Variants in SNX8 observed in about 807,000 individuals in gnomAD.
The protein encoded by SNX8 is sorting nexin 8, also known as sorting nexin-8.
In SNX8, 25 loss-of-function variants were observed where a neutral mutation model predicts 51.6. That is an observed-to-expected ratio of 0.48 (90% CI 0.35 to 0.68). The LOEUF is 0.68. Among genes scored for constraint, SNX8 ranks in the 30% least tolerant of loss-of-function variants. The pLI is 0.00. For missense variants in SNX8, 695 were observed against 624.0 expected (o/e 1.11, Z -1.21); for synonymous variants, 324 against 277.0 (o/e 1.17, Z -1.68).
rs188628302 is a variant in SNX8 at position 2,264,500 on chromosome 7, G to C, written c.622-42C>G. Reference sequence around the variant, plus strand: ...GGGAGAGACACTGTGTTAGTCGCTGGGGAGCACCTGTCAGACGGCAGCAGC... The same window carrying C: ...GGGAGAGACACTGTGTTAGTCGCTGCGGAGCACCTGTCAGACGGCAGCAGC... On this transcript the variant is annotated intron_variant, in intron 5 of 10. Coordinates refer to ENST00000222990, the MANE Select transcript of SNX8 (RefSeq NM_013321.4). The C allele has an allele frequency of 1.1e-5, 17 of 1,577,910 alleles. No homozygotes were observed. In the East Asian group the frequency reaches 3.9e-4, roughly 36 times the overall value.
At position 2,253,874 on chromosome 7, in the gene SNX8, G is replaced by A. The variant is rs6945323; in HGVS notation, c.*1182C>T. 54,247 of 152,236 alleles carry A rather than the reference G, an allele frequency of 0.36. 10,070 individuals carry two copies. Among genetic ancestry groups the A allele is most frequent in the Middle Eastern group, 0.41 (122 of 294 alleles). 9.4% of individuals were successfully genotyped at this position (152,236 alleles called of 1,614,324 possible). On this transcript the variant is annotated 3_prime_UTR_variant, in exon 11 of 11. Transcript: ENST00000222990. Reference sequence around the variant, plus strand: ...AGCATCTGCGGAGCGGAGGGACCTCGGAAACCCTGGAGCCCGGCGGGCCTC... The same window carrying A: ...AGCATCTGCGGAGCGGAGGGACCTCAGAAACCCTGGAGCCCGGCGGGCCTC...
chr7:2,257,756 C>T lies in SNX8; in HGVS notation c.963G>A (p.Leu321=). 1 of 1,614,070 alleles carries T rather than the reference C, an allele frequency of 6.2e-7. No homozygotes were observed. The highest frequency in any genetic ancestry group is 8.5e-7 in the Non-Finnish European group (1 of 1,180,006). The change falls in exon 8 of 11, where the codon TTG becomes TTA. Residue 321 remains leucine, a synonymous_variant. Coordinates refer to ENST00000222990, the MANE Select transcript of SNX8 (RefSeq NM_013321.4). ...TCACCTTATAGGACTGCAGCAGATC[C>T]AAGAAGAGGTTCAGCTTCTCCACCA... ...NDVVEKLNLF[L]DLLQSYKDLC...
rs1191564086 is a variant in SNX8 at position 2,268,405 on chromosome 7, T to C, written c.621+1154A>G. Reference sequence around the variant, plus strand: ...CCCGGCAGCCACCCCATCTGGGAAGTGAGGAGCGTCTCCGCCCGGCAGCCA... The same window carrying C: ...CCCGGCAGCCACCCCATCTGGGAAGCGAGGAGCGTCTCCGCCCGGCAGCCA... On this transcript the variant is annotated intron_variant, in intron 5 of 10. Transcript: ENST00000222990. 3.1e-5 allele frequency among the ~76,000 whole-genome samples: 4 copies of C among 130,844 alleles called. No individual in the cohort carries two copies. The East Asian group carries it at 9.8e-4, about 32-fold the overall frequency. 85.8% of individuals were successfully genotyped at this position (130,844 alleles called of 152,430 possible).
chr7:2,283,716 G>A (rs1426086973), intron 1 of SNX8, among the ~76,000 whole-genome samples: 1 of 152,212 alleles, frequency 6.6e-6, no homozygotes, highest in Non-Finnish European at 1.5e-5. Context: ...AGAATCACCT[G>A]GTGGGCTCCT....
At chr7:2,347,332 T>C (rs1388037773) in intron 1 of SNX8, among the ~76,000 whole-genome samples, 1 of 151,300 alleles carries the variant, frequency 6.6e-6, no homozygotes, top group Non-Finnish European at 1.5e-5. Flanking sequence ...AATACAAAAA[T>C]TAGTCAGGCT....
intron 1 of SNX8, among the ~76,000 whole-genome samples, chr7:2,313,063 A>T (rs1011398839): frequency 1.3e-5 from 2 of 151,502 alleles, no homozygotes; most frequent in Non-Finnish European, 2.9e-5. Context: ...GCGCCTGGCT[A>T]ATTTTTTTTG....
At chr7:2,264,607 G>A in intron 5 of SNX8, 149 bp from the exon 6 acceptor site, 2 of 637,900 alleles carry the variant, frequency 3.1e-6, no homozygotes, top group East Asian at 2.8e-5. Flanking sequence ...GGCCTGCAGG[G>A]ATCACTCTGT....
At chr7:2,303,015 G>A (rs1796440488) in intron 1 of SNX8, among the ~76,000 whole-genome samples, 2 of 151,782 alleles carry the variant, frequency 1.3e-5, no homozygotes, top group South Asian at 2.1e-4. Context: ...AGAGGTGGGG[G>A]TCAGCCCCCG....
At chr7:2,308,816 T>C (rs1796604168) in intron 1 of SNX8, among the ~76,000 whole-genome samples, 1 of 148,202 alleles carries the variant, frequency 6.7e-6, no homozygotes, top group Admixed American at 6.8e-5. Flanking sequence ...TGGAGTCTTG[T>C]TCTGTCAACC....
intron 1 of SNX8, among the ~76,000 whole-genome samples, chr7:2,295,887 T>C (rs1222160623): frequency 6.6e-6 from 1 of 152,196 alleles, no homozygotes; most frequent in Non-Finnish European, 1.5e-5. Context: ...AAAGATCAGC[T>C]GCTTGTAAAA....
intron 10 of SNX8, among the ~76,000 whole-genome samples, chr7:2,255,433 T>C (rs1056258479): frequency 6.6e-6 from 1 of 152,218 alleles, no homozygotes; most frequent in Admixed American, 6.5e-5. Flanking sequence ...CAAATCTGCC[T>C]GCCGTGGAAT....
chr7:2,269,523 T>TAAAA, intron 5 of SNX8, 36 bp downstream of exon 5: 2 of 893,696 alleles, frequency 2.2e-6, no homozygotes, highest in Non-Finnish European at 1.5e-6. Flanking sequence ...AAAAATAAAT[T>TAAAA]AAAAAAAAAA....
At position 2,296,702 on chromosome 7, in the gene SNX8, G is replaced by A. The variant is rs905577631; in HGVS notation, c.94+17626C>T. Reference sequence around the variant, plus strand: ...TCCCAGCACTTTGGGAGGCCGAGGCGGGTGGATCACCTGAGGTCAGGAGTT... The same window carrying A: ...TCCCAGCACTTTGGGAGGCCGAGGCAGGTGGATCACCTGAGGTCAGGAGTT... On this transcript the variant is annotated intron_variant, in intron 1 of 10. Coordinates refer to ENST00000222990, the MANE Select transcript of SNX8 (RefSeq NM_013321.4). 7.9e-5 allele frequency among the ~76,000 whole-genome samples: 12 copies of A among 151,760 alleles called. No individual in the cohort carries two copies. The East Asian group carries it at 9.6e-4, about 12-fold the overall frequency.
rs895776389 is a variant in SNX8 at position 2,338,013 on chromosome 7, A to C, written c.-66+16209T>G. ...AGGATCTAGCTAAAGCAAGAAGACAAATACAAACAGTGTAATAAAGACTGC... is the reference window on the plus strand; with the variant it reads ...AGGATCTAGCTAAAGCAAGAAGACACATACAAACAGTGTAATAAAGACTGC... On this transcript the variant is annotated intron_variant, in intron 1 of 5. Transcript: ENST00000435336. Among the ~76,000 whole-genome samples the C allele has an allele frequency of 2.0e-5, 3 of 152,312 alleles. No homozygotes were observed. In the South Asian group the frequency reaches 6.2e-4, roughly 32 times the overall value.
In SNX8 at chr7:2,252,543, C is replaced by G. The variant is rs1795061442; in HGVS notation, c.*2513G>C. 1 of 152,586 alleles carries G rather than the reference C, an allele frequency of 6.6e-6. No individual in the cohort carries two copies. 9.5% of individuals were successfully genotyped at this position (152,586 alleles called of 1,614,324 possible). The stretch of plus-strand genomic sequence containing the variant: ...TGTTCCAAAGCCAGTGCCCACCCCT[C>G]CACAGAGCCAACCCCAGGGCACACA... On this transcript the variant is annotated 3_prime_UTR_variant, in exon 11 of 11. Coordinates refer to ENST00000222990, the MANE Select transcript of SNX8 (RefSeq NM_013321.4).
At chr7:2,342,952 C>T (rs765702827) in intron 1 of SNX8, among the ~76,000 whole-genome samples, 3 of 151,886 alleles carry the variant, frequency 2.0e-5, no homozygotes, top group Non-Finnish European at 4.4e-5. Context: ...GCGCCCACCA[C>T]CGGCTAATTT....
intron 7 of SNX8, among the ~76,000 whole-genome samples, chr7:2,259,899 T>C (rs546652246): frequency 1.3e-5 from 2 of 152,174 alleles, no homozygotes; most frequent in African/African-American, 4.8e-5. Flanking sequence ...TCCAATGTTT[T>C]GGCTTCCCAG....
rs532405101 is a variant in SNX8 at position 2,274,229 on chromosome 7, CAG to C, written c.418+881_418+882del. On this transcript the variant is annotated intron_variant, in intron 3 of 10. Coordinates refer to ENST00000222990, the MANE Select transcript of SNX8 (RefSeq NM_013321.4). ...TGCGGCGGGGTGAAAATCACATCAT[CAG>C]ACCCTGGGCTGCTTGCTCAGTGACC... is the stretch of plus-strand genomic sequence containing the variant. Among the ~76,000 whole-genome samples the C allele has an allele frequency of 4.1e-4, 63 of 152,370 alleles. 1 individual carries two copies. In the South Asian group the frequency reaches 0.013, roughly 31 times the overall value.
intron 1 of SNX8, among the ~76,000 whole-genome samples, chr7:2,283,816 G>A (rs1164757737): frequency 6.6e-6 from 1 of 152,204 alleles, no homozygotes; most frequent in Non-Finnish European, 1.5e-5. Context: ...TGGAGGGGGT[G>A]CCGGAGTCTT....
Sources: gnomAD v4.1 joint callset for allele counts (sites outside exome capture counted in the v4.1 genomes callset) on GRCh38, gnomAD v4.1.1 for gene constraint, MANE v1.5 for transcripts, NCBI Gene and HGNC (gene_info 2026-07-23, HGNC 2026-07-21) for gene names.